STXBP5: variants seen among roughly 807,000 people sequenced by gnomAD.
The protein encoded by STXBP5 is syntaxin binding protein 5, also known as syntaxin-binding protein 5.
A neutral mutation model predicts 152.4 loss-of-function variants in STXBP5; 50 were observed. The observed-to-expected ratio is 0.33, with a 90% CI of 0.26 to 0.42. The LOEUF (loss-of-function observed/expected upper bound fraction) is 0.42, where lower values mean the gene tolerates loss of function less well. Ranked by LOEUF, STXBP5 falls within the 10% of genes least tolerant of loss-of-function variation. The pLI is 1.00. For missense variants in STXBP5, 1,167 were observed against 1,388.6 expected, an observed-to-expected ratio of 0.84 and a Z score of 2.54; for synonymous variants, 492 against 494.7, an observed-to-expected ratio of 0.99 and a Z score of 0.07.
intron 9 of STXBP5, chr6:147,292,138 G>T (rs1414427511): frequency 5.2e-6 from 2 of 384,852 alleles, no homozygotes; most frequent in South Asian, 2.0e-5. Context: ...ATTACAACTG[G>T]CCCACTCACT....
At chr6:147,372,407 C>CTTTTTTTTTTTTT (rs869251731) in intron 25 of STXBP5, among the ~76,000 whole-genome samples, 1 of 74,804 alleles carries the variant, frequency 1.3e-5, no homozygotes, top group Non-Finnish European at 2.4e-5. Context: ...CGTCCTTTTC[C>CTTTTTTTTTTTTT]TTTTTTTTTT....
intron 8 of STXBP5, among the ~76,000 whole-genome samples, chr6:147,283,802 C>T (rs1780815423): frequency 6.6e-6 from 1 of 152,146 alleles, no homozygotes; most frequent in African/African-American, 2.4e-5. Context: ...AACAGATGTT[C>T]AGGGGTCCAA....
At chr6:147,312,923 T>A (rs1379572540) in intron 11 of STXBP5, among the ~76,000 whole-genome samples, 1 of 152,198 alleles carries the variant, frequency 6.6e-6, no homozygotes, top group Admixed American at 6.6e-5. Flanking sequence ...AAGAAAATAC[T>A]ATGCAAGTAA....
intron 18 of STXBP5, among the ~76,000 whole-genome samples, chr6:147,333,868 G>GTT (rs1171322378): frequency 2.0e-5 from 3 of 152,128 alleles, no homozygotes; most frequent in African/African-American, 7.2e-5. Context: ...ATTTGCAGGG[G>GTT]TTTTTATAAC....
intron 4 of STXBP5, among the ~76,000 whole-genome samples, chr6:147,248,294 A>C (rs1390399927): frequency 1.3e-5 from 2 of 152,036 alleles, no homozygotes; most frequent in Admixed American, 6.6e-5. Context: ...AAAAAAAAAA[A>C]AAAACTACTT....
At chr6:147,225,134 C>T (rs1175283231) in intron 2 of STXBP5, among the ~76,000 whole-genome samples, 1 of 152,194 alleles carries the variant, frequency 6.6e-6, no homozygotes, top group Admixed American at 6.5e-5. Flanking sequence ...TAAAATTGTG[C>T]TCTTGGGTTT....
chr6:147,329,801 G>C (rs941883564), intron 18 of STXBP5, among the ~76,000 whole-genome samples: 1 of 151,460 alleles, frequency 6.6e-6, no homozygotes, highest in African/African-American at 2.4e-5. Flanking sequence ...AATTTTTTTT[G>C]TATTTTTAGT....
intron 18 of STXBP5, among the ~76,000 whole-genome samples, chr6:147,330,914 A>G (rs941422539): frequency 6.6e-6 from 1 of 152,160 alleles, no homozygotes; most frequent in Non-Finnish European, 1.5e-5. Context: ...TACCATGTTT[A>G]TTTGTTATGT....
At chr6:147,254,933 G>A (rs1478689541) in intron 4 of STXBP5, among the ~76,000 whole-genome samples, 1 of 152,194 alleles carries the variant, frequency 6.6e-6, no homozygotes, top group East Asian at 1.9e-4. Flanking sequence ...TCTACAACCA[G>A]AAATACCATT....
intron 2 of STXBP5, among the ~76,000 whole-genome samples, chr6:147,225,403 A>G (rs1777659129): frequency 1.3e-5 from 2 of 152,110 alleles, no homozygotes; most frequent in Admixed American, 1.3e-4. Context: ...GTTGCTTTCT[A>G]TTTTATGTGT....
At chr6:147,324,263 GGTTTTTTTT>G (rs1408163889) in intron 16 of STXBP5, among the ~76,000 whole-genome samples, 4 of 85,044 alleles carry the variant, frequency 4.7e-5, no homozygotes, top group Admixed American at 1.5e-4. Context: ...GTTTTTTTTT[GGTTTTTTTT>G]TTTTTTTTTT....
At chr6:147,381,730 A>G (rs760550130) in intron 26 of STXBP5, among the ~76,000 whole-genome samples, 1 of 152,170 alleles carries the variant, frequency 6.6e-6, no homozygotes, top group South Asian at 2.1e-4. Context: ...GATGCATGCT[A>G]CAACATCAAT....
rs1251890042 is a variant in STXBP5 at position 147,261,161 on chromosome 6, T to C, written c.566+412T>C. The stretch of plus-strand genomic sequence containing the variant: ...GATTTAAACTACTACTTGATATGTT[T>C]TAATAATCATCAAATATAATGTTTG... On this transcript the variant is annotated intron_variant, in intron 5 of 27. Coordinates refer to ENST00000321680, the MANE Select transcript of STXBP5 (RefSeq NM_001127715.4). Among the ~76,000 whole-genome samples the C allele has an allele frequency of 2.0e-5, 3 of 152,068 alleles. No individual in the cohort carries two copies. The East Asian group carries it at 5.8e-4, about 29-fold the overall frequency.
intron 21 of STXBP5, among the ~76,000 whole-genome samples, chr6:147,346,666 G>T (rs1784347780): frequency 6.6e-6 from 1 of 152,042 alleles, no homozygotes; most frequent in African/African-American, 2.4e-5. Flanking sequence ...CTCGAACCCA[G>T]GCGGCGGAGG....
chr6:147,283,692 A>G (rs913227348), intron 8 of STXBP5, among the ~76,000 whole-genome samples: 45 of 152,288 alleles, frequency 3.0e-4, no homozygotes, highest in African/African-American at 7.2e-4. Flanking sequence ...CCGTTTGCCA[A>G]CCTGCAGCAA....
chr6:147,283,683 C>T (rs574777382), intron 8 of STXBP5, among the ~76,000 whole-genome samples: 12 of 152,276 alleles, frequency 7.9e-5, no homozygotes, highest in African/African-American at 2.4e-4. Context: ...TCAACTAGGC[C>T]GTTTGCCAAC....
At chr6:147,348,878 G>C (rs1431270844) in intron 21 of STXBP5, among the ~76,000 whole-genome samples, 1 of 152,030 alleles carries the variant, frequency 6.6e-6, no homozygotes, top group Non-Finnish European at 1.5e-5. Context: ...AAAGCAGCAG[G>C]ATACTGATTT....
chr6:147,343,518 C>T (rs1016044313), intron 21 of STXBP5, among the ~76,000 whole-genome samples: 1 of 152,134 alleles, frequency 6.6e-6, no homozygotes, highest in African/African-American at 2.4e-5. Flanking sequence ...AGTTAAGTGA[C>T]ACATCCAAAG....
chr6:147,235,541 A>T (rs988601736), intron 3 of STXBP5, among the ~76,000 whole-genome samples: 5 of 152,180 alleles, frequency 3.3e-5, no homozygotes, highest in Admixed American at 3.3e-4. Flanking sequence ...AGTGTTGTAA[A>T]TTGAAAGGCC....
Sources: allele counts gnomAD v4.1 joint callset (sites outside exome capture counted in the v4.1 genomes callset), GRCh38; gene constraint gnomAD v4.1.1; transcripts MANE v1.5; gene names NCBI Gene and HGNC (gene_info 2026-07-23, HGNC 2026-07-21).